Variants in RABGAP1L observed in about 807,000 individuals in gnomAD.
RABGAP1L encodes rab GTPase-activating protein 1-like.
RABGAP1L carries 63 observed loss-of-function variants against 137.7 expected under a neutral mutation model. That is an observed-to-expected ratio of 0.46 (90% CI 0.37 to 0.56). The LOEUF (loss-of-function observed/expected upper bound fraction) is 0.56. RABGAP1L is among the 20% of genes least tolerant of loss of function. RABGAP1L has a pLI of 0.00. For synonymous variants in RABGAP1L, 431 were observed against 433.7 expected (o/e 0.99, Z 0.08); for missense variants, 1,095 against 1,244.0 (o/e 0.88, Z 1.80).
chr1:174,879,152 G>A (rs1384305253), intron 19 of RABGAP1L, among the ~76,000 whole-genome samples: 2 of 149,208 alleles, frequency 1.3e-5, no homozygotes, highest in Non-Finnish European at 3.0e-5. Flanking sequence ...CCAGGCTGGA[G>A]TGCAATGGCA....
At chr1:174,974,582 G>C (rs914279083) in intron 21 of RABGAP1L, among the ~76,000 whole-genome samples, 1 of 152,084 alleles carries the variant, frequency 6.6e-6, no homozygotes, top group African/African-American at 2.4e-5. Context: ...TTAATTTGCT[G>C]TTAGATTTTC....
chr1:174,378,528 G>C (rs1413096466), intron 12 of RABGAP1L, among the ~76,000 whole-genome samples: 6 of 152,064 alleles, frequency 3.9e-5, no homozygotes, highest in Non-Finnish European at 7.4e-5. Context: ...GCATTTCTCT[G>C]ATGGCCAGTG....
chr1:174,735,612 CAAAAAAAAAAAA>C (rs59281177), intron 17 of RABGAP1L, among the ~76,000 whole-genome samples: 2 of 46,166 alleles, frequency 4.3e-5, no homozygotes, highest in Non-Finnish European at 7.7e-5. Flanking sequence ...AACTCCATCT[CAAAAAAAAAAAA>C]AAAAAAAAAA....
intron 13 of RABGAP1L, among the ~76,000 whole-genome samples, chr1:174,539,794 T>C (rs1278079624): frequency 6.6e-6 from 1 of 152,252 alleles, no homozygotes; most frequent in Non-Finnish European, 1.5e-5. Context: ...TTATAATCCT[T>C]CGGGTTTATA....
chr1:174,761,532 C>T lies in RABGAP1L; in HGVS notation c.2211+9178C>T, dbSNP rs1272718297. On this transcript the variant is annotated intron_variant, in intron 18 of 25. Coordinates refer to ENST00000681986, the MANE Select transcript of RABGAP1L (RefSeq NM_001366446.1). This position sits in a 1 kb window ranked among gnomAD's most constrained non-coding sequence, Gnocchi z 4.0. Reference sequence around the variant, plus strand: ...CGCTGCTCACTTCCCAGCAGAGGCTCTCCTCACTTCCCAGATGGTGGGGCC... The same window carrying T: ...CGCTGCTCACTTCCCAGCAGAGGCTTTCCTCACTTCCCAGATGGTGGGGCC... Among the ~76,000 whole-genome samples the T allele has an allele frequency of 2.0e-5, 3 of 152,092 alleles. No individual in the cohort carries two copies. The highest frequency in any genetic ancestry group is 7.2e-5 in the African/African-American group (3 of 41,418).
intron 6 of RABGAP1L, 86 bp from the exon 7 acceptor site, chr1:174,252,394 T>G: frequency 6.6e-7 from 1 of 1,504,908 alleles, no homozygotes; most frequent in Non-Finnish European, 8.9e-7. Context: ...GCTTAAATAC[T>G]TTGTTGTTTT....
intron 19 of RABGAP1L, among the ~76,000 whole-genome samples, chr1:174,819,146 G>T (rs925870398): frequency 1.5e-5 from 2 of 134,218 alleles, no homozygotes; most frequent in Non-Finnish European, 3.1e-5. Context: ...CTGTGTCATT[G>T]CATTCCAGCC....
chr1:174,522,706 G>A (rs990419424), intron 13 of RABGAP1L, among the ~76,000 whole-genome samples: 1 of 152,176 alleles, frequency 6.6e-6, no homozygotes, highest in Non-Finnish European at 1.5e-5. Context: ...TAGCTTCTGG[G>A]GAAGCCTCAG....
At chr1:174,225,095 A>G (rs993547658) in intron 3 of RABGAP1L, among the ~76,000 whole-genome samples, 5 of 152,064 alleles carry the variant, frequency 3.3e-5, no homozygotes, top group African/African-American at 1.2e-4. Context: ...ACATTTCCAT[A>G]CCGTTCTCAC....
At chr1:174,348,456 ATTTT>A (rs538693973) in intron 11 of RABGAP1L, among the ~76,000 whole-genome samples, 3 of 148,086 alleles carry the variant, frequency 2.0e-5, no homozygotes, top group African/African-American at 7.4e-5. Flanking sequence ...TTATTTATTT[ATTTT>A]TTTTAATTTA....
At chr1:174,388,513 A>G in intron 12 of RABGAP1L, among the ~76,000 whole-genome samples, 1 of 151,960 alleles carries the variant, frequency 6.6e-6, no homozygotes. Context: ...GAGAGAAAAC[A>G]TTTGGGATAG....
At chr1:174,871,522 C>G (rs1337723398) in intron 19 of RABGAP1L, among the ~76,000 whole-genome samples, 2 of 152,158 alleles carry the variant, frequency 1.3e-5, no homozygotes, top group Non-Finnish European at 2.9e-5. Flanking sequence ...CAGGATTTAA[C>G]CAAGTGCCCT....
At chr1:174,350,377 G>A (rs1406536343) in intron 11 of RABGAP1L, among the ~76,000 whole-genome samples, 3 of 88,172 alleles carry the variant, frequency 3.4e-5, no homozygotes, top group Admixed American at 1.0e-4. Context: ...TCTCAGACGG[G>A]GCGGCCGGGC....
At chr1:174,734,829 A>G (rs1273201230) in intron 17 of RABGAP1L, among the ~76,000 whole-genome samples, 1 of 152,076 alleles carries the variant, frequency 6.6e-6, no homozygotes. Flanking sequence ...GCTTATTTAT[A>G]TGCCTAAAAT....
chr1:174,308,549 T>C (rs1678518876), intron 11 of RABGAP1L, among the ~76,000 whole-genome samples: 1 of 152,040 alleles, frequency 6.6e-6, no homozygotes, highest in African/African-American at 2.4e-5. Flanking sequence ...TGTATGGTGG[T>C]GTGAGATAAA....
chr1:174,622,740 A>G (rs1672622503), intron 13 of RABGAP1L, among the ~76,000 whole-genome samples: 1 of 152,226 alleles, frequency 6.6e-6, no homozygotes, highest in African/African-American at 2.4e-5. Flanking sequence ...GCATTAGGAA[A>G]TATACCTAAT....
At chr1:174,623,586 T>C (rs1461031248) in intron 13 of RABGAP1L, among the ~76,000 whole-genome samples, 1 of 152,182 alleles carries the variant, frequency 6.6e-6, no homozygotes, top group East Asian at 1.9e-4. Flanking sequence ...GTAATGGATG[T>C]TACTTTTCTG....
intron 17 of RABGAP1L, among the ~76,000 whole-genome samples, chr1:174,739,498 A>C (rs1472303970): frequency 2.0e-5 from 3 of 152,190 alleles, no homozygotes; most frequent in Admixed American, 6.5e-5. Flanking sequence ...CTCAGTTCTC[A>C]GTCTGGTTTC....
intron 19 of RABGAP1L, among the ~76,000 whole-genome samples, chr1:174,817,609 CA>C (rs1186964233): frequency 6.6e-6 from 1 of 151,998 alleles, no homozygotes; most frequent in Non-Finnish European, 1.5e-5. Flanking sequence ...CCACGGTAAG[CA>C]ATTTGGATTT....
Sources: gnomAD v4.1 joint callset for allele counts (sites outside exome capture counted in the v4.1 genomes callset) on GRCh38, gnomAD v4.1.1 for gene constraint, Gnocchi (gnomAD v3.1) non-coding constraint, MANE v1.5 for transcripts, NCBI Gene and HGNC (gene_info 2026-07-23, HGNC 2026-07-21) for gene names.